The following FHIP2A variants were observed in gnomAD, a reference collection of about 807,000 sequenced individuals.
The protein encoded by FHIP2A is family with sequence similarity 160 member B1.
A neutral mutation model predicts 93.5 loss-of-function variants in FHIP2A; 46 were observed. The ratio of observed to expected loss-of-function variants is 0.49; its 90% confidence interval spans 0.39 to 0.63. The LOEUF (loss-of-function observed/expected upper bound fraction) is 0.63, where lower values mean the gene tolerates loss of function less well. Among genes scored for constraint, FHIP2A ranks in the 20% least tolerant of loss-of-function variants. The pLI is 0.00. For missense variants in FHIP2A, 769 were observed against 909.7 expected (o/e 0.85, Z 1.99); for synonymous variants, 332 against 326.5 (o/e 1.02, Z -0.18).
At chr10:114,875,991 AAAG>A (rs1263300424) in intron 16 of FHIP2A, among the ~76,000 whole-genome samples, 2 of 151,778 alleles carry the variant, frequency 1.3e-5, no homozygotes, top group Admixed American at 6.6e-5. Context: ...AGAAAGAAAG[AAAG>A]AAAAAGAAAG....
In FHIP2A at chr10:114,878,791, A is replaced by AAAGAAAG. The variant is rs796671658; in HGVS notation, c.2192+17459_2192+17460insGAAAGAA. ...ACTTCGCCTCAAAAAAAAAAAAAAA[A>AAAGAAAG]AAAGAAAGAAAGAAAGAAAGAAAAG... is the stretch of plus-strand genomic sequence containing the variant. On this transcript the variant is annotated intron_variant, in intron 16 of 16. Transcript: ENST00000369250. Among the ~76,000 whole-genome samples the AAAGAAAG allele has an allele frequency of 2.8e-3, 383 of 135,440 alleles. 1 individual carries two copies. Among genetic ancestry groups the AAAGAAAG allele is most frequent in the South Asian group, 0.012 (48 of 3,988 alleles). 88.9% of individuals were successfully genotyped at this position (135,440 alleles called of 152,430 possible).
Position 114,863,790 on chromosome 10 carries a change from T to A in FHIP2A, c.*2250T>A. 8.1e-7 allele frequency: 1 copy of A among 1,229,744 alleles called. No homozygotes were observed. The highest frequency in any genetic ancestry group is 1.0e-6 in the Non-Finnish European group (1 of 956,970). 76.2% of individuals were successfully genotyped at this position (1,229,744 alleles called of 1,614,324 possible). On this transcript the variant is annotated 3_prime_UTR_variant, in exon 17 of 17. Transcript: ENST00000369248. ...GTACTTGCAAAAACAGTAACTAAAA[T>A]GCACTATGCTGAGTGGAAAGCACCG...
In FHIP2A at chr10:114,846,615, C is replaced by G. The variant is rs200897892; in HGVS notation, c.1455C>G (p.His485Gln). Residue 485 changes from histidine to glutamine, a missense_variant, in exon 11 of 17, where the codon CAC becomes CAG. His to Gln is a conservative substitution (Grantham distance 24). Coordinates refer to ENST00000369248, the MANE Select transcript of FHIP2A (RefSeq NM_020940.4). Reference protein sequence around the residue: ...FEHLLQKPNEHILYNLVLRNL... With the variant: ...FEHLLQKPNEQILYNLVLRNL... ...ATCTTTTACAAAAACCCAATGAGCA[C>G]ATTCTTTACAACTTGGTCTTGAGAA... is the stretch of plus-strand genomic sequence containing the variant. The G allele has an allele frequency of 3.1e-5, 50 of 1,611,998 alleles. 1 individual carries two copies. In the Admixed American group the frequency reaches 8.1e-4, roughly 26 times the overall value.
intron 13 of FHIP2A, among the ~76,000 whole-genome samples, chr10:114,851,738 C>CAAAAAAAAAAAAA (rs1206308259): frequency 1.4e-5 from 1 of 72,674 alleles, no homozygotes; most frequent in Non-Finnish European, 3.0e-5. Flanking sequence ...AAAAAAAAAG[C>CAAAAAAAAAAAAA]AATTGAAATT....
chr10:114,864,410 T>C lies in FHIP2A; in HGVS notation c.*2870T>C, dbSNP rs1329016243. 1.0e-6 allele frequency: 1 copy of C among 985,678 alleles called. No individual in the cohort carries two copies. The highest frequency in any genetic ancestry group is 1.1e-4 in the East Asian group (1 of 8,834). 61.1% of individuals were successfully genotyped at this position (985,678 alleles called of 1,614,324 possible). ...TTGTGACACTTTATGTGTTAAAACATGGTAGATAATCACATTTTCTGGGCC... is the reference window on the plus strand; with the variant it reads ...TTGTGACACTTTATGTGTTAAAACACGGTAGATAATCACATTTTCTGGGCC... On this transcript the variant is annotated 3_prime_UTR_variant, in exon 17 of 17. Transcript: ENST00000369248.
intron 3 of FHIP2A, among the ~76,000 whole-genome samples, chr10:114,834,498 ATTATAGT>A (rs1411719488): frequency 6.6e-6 from 1 of 152,192 alleles, no homozygotes; most frequent in African/African-American, 2.4e-5. Context: ...TGTGCATAAG[ATTATAGT>A]TTATACTATT....
At chr10:114,879,183 C>A (rs1231597479) in intron 16 of FHIP2A, among the ~76,000 whole-genome samples, 1 of 152,140 alleles carries the variant, frequency 6.6e-6, no homozygotes, top group African/African-American at 2.4e-5. Flanking sequence ...GCAGCCAAAG[C>A]CCTCACTATT....
intron 16 of FHIP2A, among the ~76,000 whole-genome samples, chr10:114,878,401 G>A (rs2083900079): frequency 6.6e-6 from 1 of 152,170 alleles, no homozygotes; most frequent in Non-Finnish European, 1.5e-5. Flanking sequence ...AGGAGTGGGG[G>A]CAAAGTCACT....
chr10:114,897,057 C>T (rs2084004785), intron 16 of FHIP2A, among the ~76,000 whole-genome samples: 1 of 152,200 alleles, frequency 6.6e-6, no homozygotes, highest in Admixed American at 6.5e-5. Flanking sequence ...AATCAATGTA[C>T]TTTATGTTCT....
intron 1 of FHIP2A, among the ~76,000 whole-genome samples, chr10:114,826,142 CAT>C (rs2143009396): frequency 6.6e-6 from 1 of 152,320 alleles, no homozygotes; most frequent in Non-Finnish European, 1.5e-5. Flanking sequence ...TCATTCAGCA[CAT>C]GTCTTCTGAG....
chr10:114,878,670 T>C (rs1437160128), intron 16 of FHIP2A, among the ~76,000 whole-genome samples: 3 of 151,330 alleles, frequency 2.0e-5, no homozygotes, highest in Non-Finnish European at 4.4e-5. Flanking sequence ...TCCCAGCTAC[T>C]TGGGAGGCTG....
intron 16 of FHIP2A, among the ~76,000 whole-genome samples, chr10:114,877,698 T>G (rs1027524582): frequency 1.3e-5 from 2 of 152,134 alleles, no homozygotes; most frequent in Non-Finnish European, 2.9e-5. Flanking sequence ...GGGAGAAAAT[T>G]TTAATTTTAG....
chr10:114,874,253 T>C (rs2083872991), intron 16 of FHIP2A, among the ~76,000 whole-genome samples: 1 of 141,040 alleles, frequency 7.1e-6, no homozygotes, highest in African/African-American at 2.5e-5. Context: ...AGATTTCTAC[T>C]TTAGATCTTT....
intron 16 of FHIP2A, among the ~76,000 whole-genome samples, chr10:114,871,114 TTA>T (rs60183937): frequency 2.7e-5 from 4 of 147,784 alleles, no homozygotes; most frequent in Non-Finnish European, 4.5e-5. Context: ...ATATATACTG[TTA>T]TATATATATA....
intron 14 of FHIP2A, among the ~76,000 whole-genome samples, chr10:114,856,998 G>C (rs2083770723): frequency 6.6e-6 from 1 of 152,110 alleles, no homozygotes; most frequent in Non-Finnish European, 1.5e-5. Context: ...GTCTGAGGCA[G>C]GAGGATTGCT....
downstream of FHIP2A, among the ~76,000 whole-genome samples, chr10:114,865,971 T>G (rs557367612): frequency 7.2e-5 from 11 of 152,302 alleles, no homozygotes; most frequent in Admixed American, 1.3e-4. Context: ...TTGTTTGTTT[T>G]TTTTAATTTA....
chr10:114,825,957 G>T (rs996733137), intron 1 of FHIP2A, among the ~76,000 whole-genome samples: 2 of 152,214 alleles, frequency 1.3e-5, no homozygotes, highest in Non-Finnish European at 2.9e-5. Flanking sequence ...CTTTCAGAAT[G>T]TAAGTGCAAT....
chr10:114,827,114 T>G (rs2083581316), intron 1 of FHIP2A, among the ~76,000 whole-genome samples: 1 of 152,218 alleles, frequency 6.6e-6, no homozygotes, highest in Non-Finnish European at 1.5e-5. Context: ...TTTTGTGTGA[T>G]GGGTATATTG....
At chr10:114,855,151 A>T (rs1425379115) in intron 13 of FHIP2A, 46 bp from the exon 14 acceptor site, 1 of 1,565,280 alleles carries the variant, frequency 6.4e-7, no homozygotes, top group Non-Finnish European at 8.7e-7. Context: ...ATTTCATCTT[A>T]ATTTGTTTTT....
Sources: gnomAD v4.1 joint callset for allele counts (sites outside exome capture counted in the v4.1 genomes callset) on GRCh38, gnomAD v4.1.1 for gene constraint, MANE v1.5 for transcripts, NCBI Gene and HGNC (gene_info 2026-07-23, HGNC 2026-07-21) for gene names.